WRN: variants seen among roughly 807,000 people sequenced by gnomAD.
The protein encoded by WRN is WRN RecQ like helicase.
Under a neutral mutation model 180.7 loss-of-function variants are expected in WRN, and 149 were observed. The observed-to-expected ratio is 0.82, with a 90% CI of 0.72 to 0.94. The LOEUF is 0.94. Ranked by LOEUF, WRN falls within the 40% of genes least tolerant of loss-of-function variation. The pLI is 0.00. For synonymous variants in WRN, 548 were observed against 568.9 expected (o/e 0.96, Z 0.52); for missense variants, 1,661 against 1,700.1 (o/e 0.98, Z 0.40).
Position 31,117,108 on chromosome 8 carries a change from A to G in WRN, c.2448+580A>G, listed in dbSNP as rs541612871. Among the ~76,000 whole-genome samples, 10 of 152,332 alleles carry G rather than the reference A, an allele frequency of 6.6e-5. No individual in the cohort carries two copies. In the South Asian group the frequency reaches 8.3e-4, roughly 13 times the overall value. ...AAAGAAGCAGTCTGGGCTTGGTATC[A>G]TATACCTGTTAGTTTTCACTGACTA... is the stretch of plus-strand genomic sequence containing the variant. On this transcript the variant is annotated intron_variant, in intron 20 of 34. Coordinates refer to ENST00000298139, the MANE Select transcript of WRN (RefSeq NM_000553.6).
chr8:31,082,072 T>C (rs1813338318), intron 9 of WRN, among the ~76,000 whole-genome samples: 1 of 152,194 alleles, frequency 6.6e-6, no homozygotes, highest in Non-Finnish European at 1.5e-5. Context: ...AGAATTTCTT[T>C]ACTTGCTCAT....
At chr8:31,166,201 T>C in intron 33 of WRN, among the ~76,000 whole-genome samples, 1 of 152,212 alleles carries the variant, frequency 6.6e-6, no homozygotes, top group African/African-American at 2.4e-5. Context: ...TTCTGATCAC[T>C]GATTTGAATT....
chr8:31,096,773 A>G lies in WRN; in HGVS notation c.1904A>G (p.Lys635Arg). ...TCTTTTGTTTGTTTTTACAGAGGTA[A>G]ATACCGGATTGTATACGTAACTCCA... ...ENVLTDIKLGKYRIVYVTPEY... is the reference protein window; with the variant it reads ...ENVLTDIKLGRYRIVYVTPEY... The change falls in exon 17 of 35, where the codon AAA (lysine) becomes AGA (arginine). Residue 635 changes from lysine to arginine, a missense_variant. Coordinates refer to ENST00000298139, the MANE Select transcript of WRN (RefSeq NM_000553.6). 6.2e-7 allele frequency: 1 copy of G among 1,610,280 alleles called. No individual in the cohort carries two copies.
At chr8:31,167,815 A>G (rs1271211547) in intron 34 of WRN, among the ~76,000 whole-genome samples, 1 of 152,142 alleles carries the variant, frequency 6.6e-6, no homozygotes, top group African/African-American at 2.4e-5. Context: ...ATAAATAGCA[A>G]TCAGATATAT....
Position 31,059,171 on chromosome 8 carries a change from G to A in WRN, c.115G>A (p.Val39Ile), listed in dbSNP as rs1238761248. 1 of 1,613,816 alleles carries A rather than the reference G, an allele frequency of 6.2e-7. No individual in the cohort carries two copies. The highest frequency in any genetic ancestry group is 8.5e-7 in the Non-Finnish European group (1 of 1,179,830). Reference protein sequence around the residue: ...EERKACVRKSVFEDDLPFLEF... With the variant: ...EERKACVRKSIFEDDLPFLEF... ...ACTCAAGGCATGTGTTCGGAAGAGT[G>A]TTTTTGAAGATGACCTCCCCTTCTT... is the stretch of plus-strand genomic sequence containing the variant. Residue 39 changes from valine (V) to isoleucine (I), a missense_variant, in exon 3 of 35, where the codon GTT becomes ATT. By Grantham distance (29) the Val-to-Ile change is conservative. Around this residue, in one of 3 missense-constraint regions of WRN, gnomAD observed 500 missense variants for 504.1 expected, o/e 0.99. Coordinates refer to ENST00000298139, the MANE Select transcript of WRN (RefSeq NM_000553.6).
chr8:31,125,651 G>T (rs187771930), intron 23 of WRN, among the ~76,000 whole-genome samples: 2 of 146,526 alleles, frequency 1.4e-5, no homozygotes, highest in Admixed American at 7.0e-5. Context: ...AATTGTGGGG[G>T]TTGGCAAGTC....
At chr8:31,063,563 A>G (rs1009070497) in intron 3 of WRN, among the ~76,000 whole-genome samples, 1 of 152,222 alleles carries the variant, frequency 6.6e-6, no homozygotes, top group Non-Finnish European at 1.5e-5. Flanking sequence ...ACCAATTTAT[A>G]CATGAACCAC....
chr8:31,064,508 T>G lies in WRN; in HGVS notation c.355+74T>G, dbSNP rs2130033743. 3 of 1,597,222 alleles carry G rather than the reference T, an allele frequency of 1.9e-6. No homozygotes were observed. In the East Asian group the frequency reaches 6.7e-5, roughly 36 times the overall value. Reference sequence around the variant, plus strand: ...TCAACTTTATCCCTATAAAATTAAGTTCTTTTATTAGCTGGCCGTTCTCTC... The same window carrying G: ...TCAACTTTATCCCTATAAAATTAAGGTCTTTTATTAGCTGGCCGTTCTCTC... On this transcript the variant is annotated intron_variant, in intron 4 of 34. Coordinates refer to ENST00000298139, the MANE Select transcript of WRN (RefSeq NM_000553.6).
chr8:31,141,453 A>T lies in WRN; in HGVS notation c.2991A>T (p.Gln997His), dbSNP rs1487585191. ...RGSNSQRLAD[Q>H]YRRHSLFGTG... ...AGAATTCTCAGCGTCTTGCCGATCA[A>T]TATCGCAGGCACAGTTTATTTGGCA... The change falls in exon 25 of 35, where the codon CAA becomes CAT. Residue 997 changes from glutamine to histidine, a missense_variant. Gln to His is a conservative substitution (Grantham distance 24). Coordinates refer to ENST00000298139, the MANE Select transcript of WRN (RefSeq NM_000553.6). 2.5e-6 allele frequency: 4 copies of T among 1,614,058 alleles called. No homozygotes were observed. The highest frequency in any genetic ancestry group is 2.5e-6 in the Non-Finnish European group (3 of 1,180,044).
At chr8:31,116,629 TG>T in intron 20 of WRN, 101 bp downstream of exon 20, 1 of 1,511,944 alleles carries the variant, frequency 6.6e-7, no homozygotes, top group Non-Finnish European at 9.0e-7. Context: ...TTCTTTGTGT[TG>T]AACATAAAGC....
chr8:31,129,484 G>A (rs1313608373), intron 23 of WRN, among the ~76,000 whole-genome samples: 3 of 152,132 alleles, frequency 2.0e-5, no homozygotes, highest in African/African-American at 7.2e-5. Flanking sequence ...AATGAATTTG[G>A]AAGTTTTCTC....
At chr8:31,106,905 GA>G (rs1333366962) in intron 18 of WRN, among the ~76,000 whole-genome samples, 1 of 152,158 alleles carries the variant, frequency 6.6e-6, no homozygotes, top group African/African-American at 2.4e-5. Flanking sequence ...ATGAATGAAT[GA>G]ATGATGATGA....
At chr8:31,117,276 T>A (rs4037084) in intron 20 of WRN, among the ~76,000 whole-genome samples, 1 of 152,018 alleles carries the variant, frequency 6.6e-6, no homozygotes, top group East Asian at 1.9e-4. Context: ...CACTCCCTGT[T>A]GGGGTCTTAT....
intron 33 of WRN, among the ~76,000 whole-genome samples, chr8:31,163,854 CTTTTT>C (rs34612730): frequency 7.0e-6 from 1 of 141,866 alleles, no homozygotes; most frequent in Non-Finnish European, 1.5e-5. Flanking sequence ...ACCATGAGCT[CTTTTT>C]TTTTTTTTTT....
At chr8:31,132,537 G>A (rs1168146615) in intron 24 of WRN, 31 bp downstream of exon 24, 3 of 1,613,540 alleles carry the variant, frequency 1.9e-6, no homozygotes, top group Non-Finnish European at 2.5e-6. Flanking sequence ...TCCCTTCATA[G>A]ATCTTCTTTT....
chr8:31,136,514 G>T (rs1802401825), intron 24 of WRN, among the ~76,000 whole-genome samples: 1 of 152,072 alleles, frequency 6.6e-6, no homozygotes. Flanking sequence ...TCTATTTATT[G>T]TGCTGTAACA....
intron 8 of WRN, among the ~76,000 whole-genome samples, chr8:31,077,465 A>C (rs1023695459): frequency 6.6e-6 from 1 of 151,800 alleles, no homozygotes; most frequent in African/African-American, 2.4e-5. Context: ...GATCGTCTCG[A>C]TCTCCGGACC....
intron 1 of WRN, among the ~76,000 whole-genome samples, chr8:31,057,093 A>G (rs1178012800): frequency 2.6e-5 from 4 of 152,226 alleles, no homozygotes; most frequent in Non-Finnish European, 4.4e-5. Flanking sequence ...TTTTTGTTCC[A>G]TAAATTATCA....
At chr8:31,089,723 G>A (rs1253352409) in intron 13 of WRN, among the ~76,000 whole-genome samples, 2 of 151,870 alleles carry the variant, frequency 1.3e-5, no homozygotes. Context: ...TTTTTCCCAT[G>A]ATATTTTATT....
Sources: gnomAD v4.1 joint callset for allele counts (sites outside exome capture counted in the v4.1 genomes callset) on GRCh38, gnomAD v4.1.1 for gene constraint, gnomAD v4.1.1 regional missense constraint, MANE v1.5 for transcripts, NCBI Gene and HGNC (gene_info 2026-07-23, HGNC 2026-07-21) for gene names.